SAMMSON: variants seen among roughly 807,000 people sequenced by gnomAD.
The protein encoded by SAMMSON is survival associated mitochondrial melanoma specific oncogenic non-coding RNA.
rs1191796452 is a variant in SAMMSON, at chr3:70,019,872, C to G, written n.417+6200C>G. On this transcript the variant is annotated intron_variant and non_coding_transcript_variant, in intron 3 of 9. Coordinates refer to ENST00000642114, the Ensembl canonical transcript of SAMMSON. The stretch of plus-strand genomic sequence containing the variant: ...TCTTGCAGTAAGGAACCCTGTTTGG[C>G]TTTGTTTGACAGCCTTTGTCACACT... Among the ~76,000 whole-genome samples the G allele has an allele frequency of 3.3e-5, 5 of 152,118 alleles. No individual in the cohort carries two copies. In the East Asian group the frequency reaches 7.7e-4, roughly 23 times the overall value.
chr3:70,054,157 G>A (rs2067157692), intron 3 of SAMMSON, among the ~76,000 whole-genome samples: 1 of 152,102 alleles, frequency 6.6e-6, no homozygotes, highest in Non-Finnish European at 1.5e-5. Flanking sequence ...TCTTGCTTTA[G>A]ATTTTAATTT....
chr3:70,422,175 G>C (rs1343437129), intron 2 of SAMMSON, among the ~76,000 whole-genome samples: 1 of 151,900 alleles, frequency 6.6e-6, no homozygotes, highest in Admixed American at 6.6e-5. Context: ...ATGGGAAAAT[G>C]AATATTAAAA....
intron 4 of SAMMSON, among the ~76,000 whole-genome samples, chr3:70,188,306 T>G (rs1701106983): frequency 6.6e-6 from 1 of 152,134 alleles, no homozygotes; most frequent in Non-Finnish European, 1.5e-5. Flanking sequence ...TCCTCATCAA[T>G]AAAATGGGGG....
At chr3:70,215,169 A>G (rs1032129113) in intron 4 of SAMMSON, among the ~76,000 whole-genome samples, 1 of 152,132 alleles carries the variant, frequency 6.6e-6, no homozygotes, top group African/African-American at 2.4e-5. Flanking sequence ...GAAGCTCACA[A>G]CAGTTTTGCA....
chr3:70,179,822 G>A (rs1023592326), intron 4 of SAMMSON, among the ~76,000 whole-genome samples: 1 of 151,996 alleles, frequency 6.6e-6, no homozygotes, highest in African/African-American at 2.4e-5. Context: ...ATAGTCACAG[G>A]CTTATGTCCA....
chr3:70,416,975 G>C (rs1701269453), intron 2 of SAMMSON, among the ~76,000 whole-genome samples: 1 of 151,928 alleles, frequency 6.6e-6, no homozygotes, highest in Non-Finnish European at 1.5e-5. Context: ...ATCTGGCATA[G>C]ACTCTACCCT....
chr3:70,066,783 G>A (rs1156264224), intron 3 of SAMMSON, among the ~76,000 whole-genome samples: 1 of 152,068 alleles, frequency 6.6e-6, no homozygotes, highest in Non-Finnish European at 1.5e-5. Context: ...GAAACAGCAG[G>A]TAGGGGCGGC....
intron 3 of SAMMSON, among the ~76,000 whole-genome samples, chr3:70,027,209 G>A (rs541889594): frequency 6.6e-6 from 1 of 152,320 alleles, no homozygotes; most frequent in East Asian, 1.9e-4. Context: ...AATGGAGAGG[G>A]AAGCATTGTG....
intron 7 of SAMMSON, among the ~76,000 whole-genome samples, chr3:70,316,531 T>C (rs1015892483): frequency 1.3e-5 from 2 of 152,080 alleles, no homozygotes; most frequent in African/African-American, 4.8e-5. Flanking sequence ...TTGTTCAGTA[T>C]ACTCAGTTAA....
chr3:70,197,295 A>G, intron 4 of SAMMSON: 1 of 397,266 alleles, frequency 2.5e-6, no homozygotes, highest in South Asian at 1.4e-4. Flanking sequence ...TTAATTATTT[A>G]TCCACATTAG....
chr3:70,011,703 G>A (rs1382438892), intron 1 of SAMMSON, among the ~76,000 whole-genome samples: 1 of 151,030 alleles, frequency 6.6e-6, no homozygotes, highest in Non-Finnish European at 1.5e-5. Flanking sequence ...CTATAGCAAA[G>A]AAAACAAAGA....
chr3:70,182,621 C>T (rs778189968), intron 4 of SAMMSON, among the ~76,000 whole-genome samples: 28 of 152,238 alleles, frequency 1.8e-4, no homozygotes, highest in Non-Finnish European at 3.4e-4. Flanking sequence ...AATGATTTCA[C>T]GGGCTAATTT....
chr3:70,137,349 G>A (rs2067510198), intron 4 of SAMMSON, among the ~76,000 whole-genome samples: 1 of 152,122 alleles, frequency 6.6e-6, no homozygotes, highest in Admixed American at 6.5e-5. Context: ...AATTTGTCCT[G>A]TTGCCTATTT....
intron 2 of SAMMSON, among the ~76,000 whole-genome samples, chr3:70,413,313 C>G (rs1197097830): frequency 6.6e-6 from 1 of 152,070 alleles, no homozygotes; most frequent in Non-Finnish European, 1.5e-5. Context: ...GCCGTTTAGG[C>G]TATGTTTCAG....
At chr3:70,334,369 A>AGTATATGT (rs1377525708) in intron 7 of SAMMSON, among the ~76,000 whole-genome samples, 9 of 152,044 alleles carry the variant, frequency 5.9e-5, no homozygotes, top group Non-Finnish European at 1.5e-5. Flanking sequence ...TTGAGATAAA[A>AGTATATGT]GTATATGTGA....
intron 4 of SAMMSON, among the ~76,000 whole-genome samples, chr3:70,098,271 G>T (rs1466452302): frequency 6.6e-6 from 1 of 152,176 alleles, no homozygotes; most frequent in African/African-American, 2.4e-5. Context: ...AGGAATCCCT[G>T]CAAACTGAAA....
chr3:70,403,860 A>G (rs1429833921), intron 2 of SAMMSON, among the ~76,000 whole-genome samples: 1 of 152,102 alleles, frequency 6.6e-6, no homozygotes, highest in Admixed American at 6.5e-5. Flanking sequence ...GATACTTATG[A>G]TCCTTATGTT....
chr3:70,121,517 A>G (rs2067433027), intron 4 of SAMMSON, among the ~76,000 whole-genome samples: 1 of 152,242 alleles, frequency 6.6e-6, no homozygotes, highest in Non-Finnish European at 1.5e-5. Flanking sequence ...TGATCTTTTA[A>G]CAAAGCATCA....
At chr3:70,023,846 A>G (rs1272626905) in intron 3 of SAMMSON, among the ~76,000 whole-genome samples, 1 of 152,208 alleles carries the variant, frequency 6.6e-6, no homozygotes, top group South Asian at 2.1e-4. Flanking sequence ...ACTGCAAGCC[A>G]TAGTTTGCCA....
Sources: allele counts gnomAD v4.1 joint callset (sites outside exome capture counted in the v4.1 genomes callset), GRCh38; gene constraint gnomAD v4.1.1; transcripts MANE v1.5; gene names NCBI Gene and HGNC (gene_info 2026-07-23, HGNC 2026-07-21).